The following ASMT variants were observed in gnomAD, a reference collection of about 807,000 sequenced individuals.
ASMT encodes the protein acetylserotonin N-methyltransferase.
Under a neutral mutation model 41.3 loss-of-function variants are expected in ASMT, and 53 were observed. The observed-to-expected ratio is 1.28, with a 90% confidence interval of 1.03 to 1.61. The LOEUF (loss-of-function observed/expected upper bound fraction) is 1.61. Among genes scored for constraint, ASMT ranks in the 40% most tolerant of loss-of-function variants. The probability of loss-of-function intolerance (pLI) is 0.00; values close to 1 mark genes in which losing one functional copy is unlikely to be tolerated. For synonymous variants in ASMT, 231 were observed against 184.8 expected, an observed-to-expected ratio of 1.25 and a Z score of -2.03; for missense variants, 531 against 441.3, an observed-to-expected ratio of 1.20 and a Z score of -1.82.
At chrX:1,622,695 C>T (rs1291797318) in intron 1 of ASMT, among the ~76,000 whole-genome samples, 6 of 151,440 alleles carry the variant, frequency 4.0e-5, no homozygotes, top group Admixed American at 1.3e-4. Flanking sequence ...TGGCAGATCA[C>T]GAGGTCAGAA....
intron 1 of ASMT, among the ~76,000 whole-genome samples, chrX:1,617,766 C>T (rs1934192002): frequency 1.3e-5 from 2 of 151,648 alleles, no homozygotes; most frequent in Admixed American, 1.3e-4. Flanking sequence ...CAGGCGCGTT[C>T]CAACACGCCC....
At position 1,637,083 on chromosome X, in the gene ASMT, G is replaced by C. The variant is rs775318525; in HGVS notation, c.910+523G>C. On this transcript the variant is annotated intron_variant, in intron 8 of 8. Transcript: ENST00000381241. ...GGATGTGGGCACAGCCTCTGTGTGT[G>C]AGATAAGGACTGTGTCCCAGCTCTC... 7.6e-4 allele frequency among the ~76,000 whole-genome samples: 76 copies of C among 99,488 alleles called. 6 individuals carry two copies. The highest frequency in any genetic ancestry group is 2.8e-3 in the African/African-American group (73 of 26,028). The allele number at this position is 99,488 out of a possible 152,430, so 65.3% of individuals were successfully genotyped here. A position where few individuals can be genotyped will look rare whatever the true frequency, so the allele number is the denominator to read the frequency against.
In ASMT at chrX:1,629,866, C is replaced by A. The variant is rs1265799878; in HGVS notation, c.489C>A (p.Val163=). 6.2e-6 allele frequency: 10 copies of A among 1,613,862 alleles called. No individual in the cohort carries two copies. The highest frequency in any genetic ancestry group is 8.5e-6 in the Non-Finnish European group (10 of 1,179,888). The change falls in exon 5 of 9, where the codon GTC becomes GTA. Residue 163 remains valine, a synonymous_variant. Transcript: ENST00000381241. ...AGTTCATGCAAGCTCTGCAGGAGGT[C>A]TGGAGCGTCAACGGGAGAAGCGTGC... ...RLQFMQALQE[V]WSVNGRSVLT... is the part of the protein sequence containing the mutation.
At chrX:1,619,542 CT>C (rs1281055978) in intron 1 of ASMT, among the ~76,000 whole-genome samples, 1 of 124,914 alleles carries the variant, frequency 8.0e-6, no homozygotes, top group Non-Finnish European at 1.6e-5. Flanking sequence ...TACCCCAGAA[CT>C]TAAAGTATAA....
chrX:1,641,912 G>C (rs1935190864), intron 8 of ASMT, among the ~76,000 whole-genome samples: 1 of 149,682 alleles, frequency 6.7e-6, no homozygotes, highest in African/African-American at 2.4e-5. Context: ...GATGGTCCAT[G>C]AGGATGTGGG....
At chrX:1,631,671 T>C (rs1325605514) in intron 5 of ASMT, among the ~76,000 whole-genome samples, 1 of 151,938 alleles carries the variant, frequency 6.6e-6, no homozygotes, top group Non-Finnish European at 1.5e-5. Context: ...TCCCAGCACT[T>C]TGGGAGGCCG....
chrX:1,630,887 A>G (rs1358072503), intron 5 of ASMT, among the ~76,000 whole-genome samples: 5 of 140,990 alleles, frequency 3.5e-5, no homozygotes, highest in Admixed American at 1.4e-4. Context: ...TTATTTATTT[A>G]TTTATTTATT....
intron 1 of ASMT, among the ~76,000 whole-genome samples, chrX:1,615,788 C>G (rs185593218): frequency 3.1e-4 from 47 of 150,110 alleles, no homozygotes; most frequent in Non-Finnish European, 6.5e-4. Context: ...GGGGACACAG[C>G]AAGACTCTGT....
At position 1,619,129 on chromosome X, in the gene ASMT, C is replaced by T. The variant is rs1934242566; in HGVS notation, c.69+3861C>T. On this transcript the variant is annotated intron_variant, in intron 1 of 8. Coordinates refer to ENST00000381241, the MANE Select transcript of ASMT (RefSeq NM_001171038.2). Reference sequence around the variant, plus strand: ...GTATACCCTTGGCCAGGCACAGTGGCTCACGCCTGTAATCCCAGCACTTTG... The same window carrying T: ...GTATACCCTTGGCCAGGCACAGTGGTTCACGCCTGTAATCCCAGCACTTTG... 3.9e-5 allele frequency among the ~76,000 whole-genome samples: 6 copies of T among 152,144 alleles called. No individual in the cohort carries two copies. In the South Asian group the frequency reaches 1.2e-3, roughly 31 times the overall value.
chrX:1,633,345 A>T, intron 7 of ASMT, 55 bp downstream of exon 7: 4 of 1,609,514 alleles, frequency 2.5e-6, no homozygotes, highest in Non-Finnish European at 3.4e-6. Flanking sequence ...CTCCAGGGGG[A>T]CTGGATGTTT....
intron 7 of ASMT, among the ~76,000 whole-genome samples, chrX:1,633,501 A>G (rs1349407593): frequency 6.6e-6 from 1 of 152,134 alleles, no homozygotes; most frequent in African/African-American, 2.4e-5. Flanking sequence ...ATTGATACAG[A>G]GTCTTGCTTT....
intron 3 of ASMT, 44 bp from the exon 4 acceptor site, chrX:1,627,655 AAATG>A: frequency 7.2e-7 from 1 of 1,388,052 alleles, no homozygotes; most frequent in Non-Finnish European, 1.0e-6. Flanking sequence ...AAATGAAATG[AAATG>A]AAATGAAATG....
At chrX:1,619,818 G>C (rs770067302) in intron 1 of ASMT, among the ~76,000 whole-genome samples, 29 of 151,956 alleles carry the variant, frequency 1.9e-4, no homozygotes, top group Admixed American at 1.6e-3. Context: ...CGGGCCGGGC[G>C]TGGTGGCTCA....
chrX:1,631,598 G>A (rs1314976475), intron 5 of ASMT, among the ~76,000 whole-genome samples: 2 of 152,086 alleles, frequency 1.3e-5, no homozygotes, highest in African/African-American at 4.8e-5. Flanking sequence ...CCCCCTGCCT[G>A]GGGAGCAGCT....
chrX:1,636,723 T>A, intron 8 of ASMT, 163 bp downstream of exon 8: 1 of 494,848 alleles, frequency 2.0e-6, no homozygotes, highest in Non-Finnish European at 2.6e-6. Context: ...AATAGGGTCC[T>A]AATTTCTATT....
intron 1 of ASMT, among the ~76,000 whole-genome samples, chrX:1,615,675 G>A (rs1200740619): frequency 1.3e-5 from 2 of 151,860 alleles, no homozygotes; most frequent in Non-Finnish European, 2.9e-5. Flanking sequence ...GGTGGTACAT[G>A]CCTATAATCC....
At position 1,641,451 on chromosome X, in the gene ASMT, G is replaced by A. The variant is rs758044115; in HGVS notation, c.911-1352G>A. Among the ~76,000 whole-genome samples the A allele has an allele frequency of 1.2e-4, 18 of 149,774 alleles. 1 individual carries two copies. The highest frequency in any genetic ancestry group is 4.4e-4 in the African/African-American group (18 of 41,210). ...ACACAGCCGCTCTGTGTGTGATGGG[G>A]ACAGTGTCCCAGCTCTCCTGTGAGG... On this transcript the variant is annotated intron_variant, in intron 8 of 8. Coordinates refer to ENST00000381241, the MANE Select transcript of ASMT (RefSeq NM_001171038.2).
At position 1,629,096 on chromosome X, in the gene ASMT, A is replaced by G. The variant is rs755393732; in HGVS notation, c.444-725A>G. Among the ~76,000 whole-genome samples, 174 of 116,250 alleles carry G rather than the reference A, an allele frequency of 1.5e-3. 2 individuals carry two copies. Among genetic ancestry groups the G allele is most frequent in the African/African-American group, 4.9e-3 (150 of 30,502 alleles). 76.3% of individuals were successfully genotyped at this position (116,250 alleles called of 152,430 possible). On this transcript the variant is annotated intron_variant, in intron 4 of 8. Transcript: ENST00000381241. ...CTTTCCTTTCTTTATATATATATAT[A>G]TGTGTGTATACATGTGTATGTGTAT...
At chrX:1,625,817 G>A (rs1268032241) in intron 3 of ASMT, among the ~76,000 whole-genome samples, 1 of 151,758 alleles carries the variant, frequency 6.6e-6, no homozygotes, top group Admixed American at 6.6e-5. Context: ...AGCCGGGCGT[G>A]GTGGCGGGCG....
Sources: allele counts gnomAD v4.1 joint callset (sites outside exome capture counted in the v4.1 genomes callset), GRCh38; gene constraint gnomAD v4.1.1; transcripts MANE v1.5; gene names NCBI Gene and HGNC (gene_info 2026-07-23, HGNC 2026-07-21).